Variants in SLC23A1 observed in about 807,000 individuals in gnomAD.
SLC23A1 encodes Na(+)/L-ascorbic acid transporter 1.
SLC23A1 carries 31 observed loss-of-function variants against 62.5 expected under a neutral mutation model. The observed-to-expected ratio is 0.50, with a 90% CI of 0.37 to 0.67. The LOEUF is 0.67. SLC23A1 is among the 30% of genes least tolerant of loss of function. The probability of loss-of-function intolerance (pLI) is 0.00; values close to 1 mark genes in which losing one functional copy is unlikely to be tolerated. For missense variants in SLC23A1, 640 were observed against 782.7 expected, an observed-to-expected ratio of 0.82 and a Z score of 2.18; for synonymous variants, 271 against 313.2, an observed-to-expected ratio of 0.87 and a Z score of 1.42.
chr5:139,375,288 C>A (rs551829010), intron 13 of SLC23A1, among the ~76,000 whole-genome samples: 2 of 152,340 alleles, frequency 1.3e-5, no homozygotes, highest in Admixed American at 6.5e-5. Flanking sequence ...CAGCCCAGGT[C>A]CCCTGAAACC....
Position 139,379,134 on chromosome 5 carries a change from C to G in SLC23A1, c.1073+73G>C, listed in dbSNP as rs1433828839. ...TTGCCTAAGCCTACCCCCTGGGCCT[C>G]CACCCCGTTCCTGTGTGTGCTTCCT... On this transcript the variant is annotated intron_variant, in intron 9 of 14. Coordinates refer to ENST00000348729, the MANE Select transcript of SLC23A1 (RefSeq NM_005847.5). This position sits in a 1 kb window ranked among gnomAD's most constrained non-coding sequence, Gnocchi z 4.7. 3 of 1,530,726 alleles carry G rather than the reference C, an allele frequency of 2.0e-6. No individual in the cohort carries two copies. The African/African-American group carries it at 4.1e-5, about 21-fold the overall frequency. The allele number at this position is 1,530,726 out of a possible 1,614,324, so 94.8% of individuals were successfully genotyped here. A position where few individuals can be genotyped will look rare whatever the true frequency, so the allele number is the denominator to read the frequency against.
Position 139,379,489 on chromosome 5 carries a change from A to G in SLC23A1, c.926-135T>C. On this transcript the variant is annotated intron_variant, in intron 8 of 14. Coordinates refer to ENST00000348729, the MANE Select transcript of SLC23A1 (RefSeq NM_005847.5). This position sits in a 1 kb window ranked among gnomAD's most constrained non-coding sequence, Gnocchi z 4.7. ...GGGATGGGAGCTATACAGTTGTGGG[A>G]GCTTATTTGAGTCACTCAGAGCCAG... The G allele has an allele frequency of 9.6e-7, 1 of 1,042,432 alleles. No homozygotes were observed. The highest frequency in any genetic ancestry group is 1.5e-6 in the Non-Finnish European group (1 of 682,856). The allele number at this position is 1,042,432 out of a possible 1,614,324, so 64.6% of individuals were successfully genotyped here.
chr5:139,378,772 G>T lies in SLC23A1; in HGVS notation c.1074-88C>A, dbSNP rs1023002340. 1.0e-6 allele frequency: 1 copy of T among 955,900 alleles called. No individual in the cohort carries two copies. The highest frequency in any genetic ancestry group is 1.6e-6 in the Non-Finnish European group (1 of 608,104). The allele number at this position is 955,900 out of a possible 1,614,324, so 59.2% of individuals were successfully genotyped here. A position where few individuals can be genotyped will look rare whatever the true frequency, so the allele number is the denominator to read the frequency against. ...ATCTTAGCAAGCTGCCGTCCTCTGG[G>T]GCTGTGGGGGCTGCAGCTATCAGCT... is the stretch of plus-strand genomic sequence containing the variant. On this transcript the variant is annotated intron_variant, in intron 9 of 14. Coordinates refer to ENST00000348729, the MANE Select transcript of SLC23A1 (RefSeq NM_005847.5). The surrounding 1 kb of genome is among the most constrained non-coding windows in gnomAD (Gnocchi z 4.5).
intron 13 of SLC23A1, among the ~76,000 whole-genome samples, chr5:139,376,982 C>A (rs1419974359): frequency 6.6e-6 from 1 of 152,026 alleles, no homozygotes; most frequent in South Asian, 2.1e-4. Context: ...ATTAGCTGGG[C>A]GTGGTGGCAG....
Position 139,382,002 on chromosome 5 carries a change from C to G in SLC23A1, c.198G>C (p.Leu66=). 6.2e-7 allele frequency: 1 copy of G among 1,608,146 alleles called. No homozygotes were observed. Among genetic ancestry groups the G allele is most frequent in the Non-Finnish European group, 8.5e-7 (1 of 1,177,372 alleles). Residue 66 remains leucine, a synonymous_variant, in exon 3 of 15, where the codon CTG becomes CTC. Coordinates refer to ENST00000348729, the MANE Select transcript of SLC23A1 (RefSeq NM_005847.5). The part of the protein sequence containing the change: ...FSGTIAVPFL[L]AEALCVGHDQ... The stretch of plus-strand genomic sequence containing the variant: ...CGTGGCCCACACACAGCGCCTCAGC[C>G]AGCAGGAAGGGCACGGCGATGGTAC...
intron 1 of SLC23A1, among the ~76,000 whole-genome samples, 183 bp from the exon 2 acceptor site, chr5:139,382,788 G>T (rs577191914): frequency 1.9e-4 from 29 of 152,320 alleles, no homozygotes; most frequent in Admixed American, 1.4e-3. Context: ...CTCCCACTTT[G>T]CATTGCTTCC....
At chr5:139,376,948 C>A (rs1452208498) in intron 13 of SLC23A1, among the ~76,000 whole-genome samples, 1 of 151,980 alleles carries the variant, frequency 6.6e-6, no homozygotes, top group Non-Finnish European at 1.5e-5. Flanking sequence ...ATGGTGAAAC[C>A]CCATCTCTAC....
At chr5:139,375,625 A>T (rs972194430) in intron 13 of SLC23A1, among the ~76,000 whole-genome samples, 2 of 152,154 alleles carry the variant, frequency 1.3e-5, no homozygotes, top group Admixed American at 1.3e-4. Flanking sequence ...ACCTGAGGTC[A>T]GGAGTTTGAG....
chr5:139,382,995 G>A (rs1200099991), intron 1 of SLC23A1, among the ~76,000 whole-genome samples: 1 of 152,132 alleles, frequency 6.6e-6, no homozygotes, highest in African/African-American at 2.4e-5. Flanking sequence ...CGGGAGATTA[G>A]GCCTCTCCTG....
chr5:139,378,455 G>A lies in SLC23A1; in HGVS notation c.1180-104C>T. On this transcript the variant is annotated intron_variant, in intron 10 of 14. Transcript: ENST00000348729. The surrounding 1 kb of genome is among the most constrained non-coding windows in gnomAD (Gnocchi z 4.5). ...AAGAGCGAGGCATAAACCGGCTGGG[G>A]CTTGATGCGGGGGCGAGGCCTCTCA... is the stretch of plus-strand genomic sequence containing the variant. The A allele has an allele frequency of 6.8e-7, 1 of 1,466,022 alleles. No homozygotes were observed. The highest frequency in any genetic ancestry group is 9.3e-7 in the Non-Finnish European group (1 of 1,078,490). The allele number at this position is 1,466,022 out of a possible 1,614,324, so 90.8% of individuals were successfully genotyped here.
chr5:139,381,206 C>T (rs1758239995), intron 3 of SLC23A1, among the ~76,000 whole-genome samples: 2 of 152,220 alleles, frequency 1.3e-5, no homozygotes, highest in South Asian at 4.1e-4. Flanking sequence ...TTCCCCTGTC[C>T]CCCGCTGCTC....
intron 3 of SLC23A1, among the ~76,000 whole-genome samples, chr5:139,381,463 G>A (rs779758814): frequency 1.8e-4 from 27 of 151,990 alleles, no homozygotes; most frequent in Non-Finnish European, 3.7e-4. Context: ...GCATGGTGGC[G>A]CATGCCTGTA....
In SLC23A1 at chr5:139,367,568, G is replaced by A. The variant is rs539845141; in HGVS notation, c.*83C>T. ...AGAAGTTAGTTAGGGGCAGGGCTGG[G>A]ATTTCAGGCTTAGGTCTTCTGGTTC... On this transcript the variant is annotated 3_prime_UTR_variant, in exon 15 of 15. Transcript: ENST00000348729. The A allele has an allele frequency of 8.5e-5, 13 of 152,146 alleles. No homozygotes were observed. The highest frequency in any genetic ancestry group is 3.1e-4 in the African/African-American group (13 of 41,524). 9.4% of individuals were successfully genotyped at this position (152,146 alleles called of 1,614,324 possible).
At chr5:139,372,685 A>G (rs956721389) in intron 13 of SLC23A1, among the ~76,000 whole-genome samples, 1 of 151,996 alleles carries the variant, frequency 6.6e-6, no homozygotes, top group Non-Finnish European at 1.5e-5. Context: ...CCCGGGTTTA[A>G]GCGATTATCC....
chr5:139,383,225 C>CGGCCCTCGAGGTCCTCCTG lies in SLC23A1; in HGVS notation c.10_28dup (p.Arg10ProfsTer11). The stretch of plus-strand genomic sequence containing the variant: ...ACCCCCAGCCCCCAGCACCTGTGTC[C>CGGCCCTCGAGGTCCTCCTG]GGCCCTCGAGGTCCTCCTGGGCCCT... On this transcript the variant is annotated frameshift_variant, in exon 1 of 15. Coordinates refer to ENST00000348729, the MANE Select transcript of SLC23A1 (RefSeq NM_005847.5). LOFTEE classifies it high-confidence loss of function. 1 of 1,481,802 alleles carries CGGCCCTCGAGGTCCTCCTG rather than the reference C, an allele frequency of 6.7e-7. No individual in the cohort carries two copies. Among genetic ancestry groups the CGGCCCTCGAGGTCCTCCTG allele is most frequent in the Non-Finnish European group, 9.1e-7 (1 of 1,102,062 alleles). The allele number at this position is 1,481,802 out of a possible 1,614,324, so 91.8% of individuals were successfully genotyped here. A position where few individuals can be genotyped will look rare whatever the true frequency, so the allele number is the denominator to read the frequency against.
Position 139,379,861 on chromosome 5 carries a change from G to A in SLC23A1, c.769-27C>T. 1 of 1,614,074 alleles carries A rather than the reference G, an allele frequency of 6.2e-7. No individual in the cohort carries two copies. Among genetic ancestry groups the A allele is most frequent in the Non-Finnish European group, 8.5e-7 (1 of 1,179,966 alleles). On this transcript the variant is annotated intron_variant, in intron 7 of 14. Coordinates refer to ENST00000348729, the MANE Select transcript of SLC23A1 (RefSeq NM_005847.5). This position sits in a 1 kb window ranked among gnomAD's most constrained non-coding sequence, Gnocchi z 4.7. ...TGAAGGAGGGGGGTGAGGGGGCACTGAAGGCACTGGAGGTCTCTGTCCAGG... is the reference window on the plus strand; with the variant it reads ...TGAAGGAGGGGGGTGAGGGGGCACTAAAGGCACTGGAGGTCTCTGTCCAGG...
In SLC23A1 at chr5:139,379,105, C is replaced by T. The variant is rs546676137; in HGVS notation, c.1073+102G>A. On this transcript the variant is annotated intron_variant, in intron 9 of 14. Coordinates refer to ENST00000348729, the MANE Select transcript of SLC23A1 (RefSeq NM_005847.5). The surrounding 1 kb of genome is among the most constrained non-coding windows in gnomAD (Gnocchi z 4.7). ...GAGAATGAGGTCTGGAGCGTGTTCCCGACTTGCCTAAGCCTACCCCCTGGG... is the reference window on the plus strand; with the variant it reads ...GAGAATGAGGTCTGGAGCGTGTTCCTGACTTGCCTAAGCCTACCCCCTGGG... 64 of 1,217,328 alleles carry T rather than the reference C, an allele frequency of 5.3e-5. No homozygotes were observed. In the East Asian group the frequency reaches 1.3e-3, roughly 25 times the overall value. The allele number at this position is 1,217,328 out of a possible 1,614,324, so 75.4% of individuals were successfully genotyped here. A position where few individuals can be genotyped will look rare whatever the true frequency, so the allele number is the denominator to read the frequency against.
At position 139,380,096 on chromosome 5, in the gene SLC23A1, C is replaced by G. The variant is rs1758165987; in HGVS notation, c.648-20G>C. 1.9e-6 allele frequency: 3 copies of G among 1,599,084 alleles called. No individual in the cohort carries two copies. The East Asian group carries it at 6.8e-5, about 36-fold the overall frequency. On this transcript the variant is annotated intron_variant, in intron 6 of 14. Transcript: ENST00000348729. ...ATGGAGCTGGGGGCAGAGGCACAAT[C>G]AGGAAGTGGATGGGAGGCCAGGCTG...
In SLC23A1 at chr5:139,378,133, G is replaced by C; in HGVS notation, c.1310-15C>G. On this transcript the variant is annotated splice_polypyrimidine_tract_variant and intron_variant, in intron 11 of 14. Transcript: ENST00000348729. The surrounding 1 kb of genome is among the most constrained non-coding windows in gnomAD (Gnocchi z 4.5). ...TGTAATCATGCCTAAGGGCGCAAGAGAACGGCTGGAGGCGCCGCACACGCG... is the reference window on the plus strand; with the variant it reads ...TGTAATCATGCCTAAGGGCGCAAGACAACGGCTGGAGGCGCCGCACACGCG... The C allele has an allele frequency of 1.9e-6, 3 of 1,614,172 alleles. No homozygotes were observed. The South Asian group carries it at 3.3e-5, about 18-fold the overall frequency.
Sources: gnomAD v4.1 joint callset for allele counts (sites outside exome capture counted in the v4.1 genomes callset) on GRCh38, gnomAD v4.1.1 for gene constraint, Gnocchi (gnomAD v3.1) non-coding constraint, MANE v1.5 for transcripts, NCBI Gene and HGNC (gene_info 2026-07-23, HGNC 2026-07-21) for gene names.